TMEM135: variants seen among roughly 807,000 people sequenced by gnomAD.
The protein encoded by TMEM135 is peroxisomal membrane protein 52.
A neutral mutation model predicts 60.3 loss-of-function variants in TMEM135; 30 were observed. The ratio of observed to expected loss-of-function variants is 0.50; its 90% CI spans 0.37 to 0.68. The LOEUF is 0.68. TMEM135 is among the 30% of genes least tolerant of loss of function. The pLI is 0.00. For synonymous variants in TMEM135, 190 were observed against 186.7 expected, an observed-to-expected ratio of 1.02 and a Z score of -0.14; for missense variants, 468 against 548.8, an observed-to-expected ratio of 0.85 and a Z score of 1.47.
intron 4 of TMEM135, among the ~76,000 whole-genome samples, chr11:87,098,155 T>G (rs541695054): frequency 4.6e-4 from 70 of 152,082 alleles, no homozygotes; most frequent in Non-Finnish European, 6.6e-4. Flanking sequence ...TTTTTTTTTT[T>G]TGTGAAAAAT....
chr11:87,103,735 T>G (rs920345088), intron 4 of TMEM135, among the ~76,000 whole-genome samples: 12 of 152,054 alleles, frequency 7.9e-5, no homozygotes, highest in African/African-American at 2.9e-4. Flanking sequence ...CTTGGCTCAC[T>G]GCAACCTTCA....
At chr11:87,185,382 A>T (rs1939625453) in intron 5 of TMEM135, among the ~76,000 whole-genome samples, 1 of 152,162 alleles carries the variant, frequency 6.6e-6, no homozygotes, top group Admixed American at 6.5e-5. Flanking sequence ...AAATTTATTG[A>T]AGAAACCAGA....
At chr11:87,141,257 G>C (rs141655593) in intron 4 of TMEM135, among the ~76,000 whole-genome samples, 1 of 151,836 alleles carries the variant, frequency 6.6e-6, no homozygotes, top group African/African-American at 2.4e-5. Flanking sequence ...TTAATTTCTT[G>C]CAGCATTATT....
chr11:87,099,682 G>GTT (rs57019125), intron 4 of TMEM135, among the ~76,000 whole-genome samples: 30 of 109,380 alleles, frequency 2.7e-4, no homozygotes, highest in African/African-American at 7.9e-4. Context: ...TTTCATGGTG[G>GTT]TTTTTTTTTT....
chr11:87,059,577 A>G (rs939149078), intron 1 of TMEM135, among the ~76,000 whole-genome samples: 2 of 152,022 alleles, frequency 1.3e-5, no homozygotes, highest in African/African-American at 4.8e-5. Context: ...CAGCCTCCCA[A>G]AGTTCTGGGA....
chr11:87,254,324 AC>A (rs1396556101), intron 6 of TMEM135, among the ~76,000 whole-genome samples: 5 of 152,180 alleles, frequency 3.3e-5, no homozygotes, highest in African/African-American at 1.2e-4. Context: ...TAATTAAAAA[AC>A]ATACATGTGT....
intron 4 of TMEM135, among the ~76,000 whole-genome samples, chr11:87,107,269 GT>G (rs886988608): frequency 7.2e-5 from 11 of 151,924 alleles, no homozygotes; most frequent in East Asian, 1.9e-4. Flanking sequence ...ATTATTCATA[GT>G]TTTTTTTATT....
intron 6 of TMEM135, among the ~76,000 whole-genome samples, chr11:87,276,729 C>T (rs1351733336): frequency 1.5e-5 from 2 of 133,794 alleles, no homozygotes; most frequent in East Asian, 2.1e-4. Flanking sequence ...ATCGCGGTAG[C>T]GTGATCTCGA....
At chr11:87,071,788 T>G (rs977851513) in intron 3 of TMEM135, among the ~76,000 whole-genome samples, 173 bp downstream of exon 3, 5 of 152,048 alleles carry the variant, frequency 3.3e-5, no homozygotes, top group Non-Finnish European at 5.9e-5. Flanking sequence ...TATATGTATT[T>G]TATATTTATT....
At chr11:87,235,706 A>G (rs1232844024) in intron 5 of TMEM135, among the ~76,000 whole-genome samples, 1 of 152,000 alleles carries the variant, frequency 6.6e-6, no homozygotes, top group African/African-American at 2.4e-5. Flanking sequence ...TAACATAAGA[A>G]TGCATTCTAC....
intron 4 of TMEM135, among the ~76,000 whole-genome samples, chr11:87,127,808 G>A (rs1188389587): frequency 6.6e-6 from 1 of 151,904 alleles, no homozygotes; most frequent in Non-Finnish European, 1.5e-5. Context: ...ATTTTTTTCA[G>A]TTGCTTATCT....
At position 87,306,012 on chromosome 11, in the gene TMEM135, A is replaced by ACATACTTTCATATACTTAC; in HGVS notation, c.768+7_768+8insCATACTTTCATATACTTAC. ...CATCTCTTATTGCATTAAAGTAAGT[A>ACATACTTTCATATACTTAC]TATGAAAGTATGTACTTTATTAACA... On this transcript the variant is annotated splice_region_variant and intron_variant, in intron 9 of 14. Coordinates refer to ENST00000305494, the MANE Select transcript of TMEM135 (RefSeq NM_022918.4). 1 of 1,557,318 alleles carries ACATACTTTCATATACTTAC rather than the reference A, an allele frequency of 6.4e-7. No homozygotes were observed. The highest frequency in any genetic ancestry group is 8.8e-7 in the Non-Finnish European group (1 of 1,136,330).
chr11:87,316,141 G>A (rs766406980), intron 12 of TMEM135, among the ~76,000 whole-genome samples: 8 of 152,000 alleles, frequency 5.3e-5, no homozygotes, highest in Non-Finnish European at 1.0e-4. Context: ...AGTGAATGGA[G>A]CTAGAGAATC....
intron 10 of TMEM135, among the ~76,000 whole-genome samples, chr11:87,311,079 TATATATTCTGTGG>T (rs1942633704): frequency 6.9e-6 from 1 of 144,026 alleles, no homozygotes; most frequent in South Asian, 2.3e-4. Flanking sequence ...GAAAGAAGAA[TATATATTCTGTGG>T]GTATATATAT....
intron 5 of TMEM135, among the ~76,000 whole-genome samples, chr11:87,174,877 T>G (rs1475170986): frequency 1.3e-5 from 2 of 152,158 alleles, no homozygotes; most frequent in African/African-American, 4.8e-5. Context: ...TGTTCAGATT[T>G]ACTGTATATA....
At chr11:87,295,282 A>G (rs1224097654) in intron 6 of TMEM135, among the ~76,000 whole-genome samples, 3 of 152,234 alleles carry the variant, frequency 2.0e-5, no homozygotes, top group Non-Finnish European at 4.4e-5. Flanking sequence ...GGGCTTAATC[A>G]GAAATTAAAA....
At chr11:87,199,566 A>G (rs1940047419) in intron 5 of TMEM135, among the ~76,000 whole-genome samples, 1 of 152,232 alleles carries the variant, frequency 6.6e-6, no homozygotes, top group African/African-American at 2.4e-5. Context: ...GTAGATACAT[A>G]TAGATTTCTA....
At chr11:87,175,073 A>G (rs555207617) in intron 5 of TMEM135, among the ~76,000 whole-genome samples, 1 of 152,294 alleles carries the variant, frequency 6.6e-6, no homozygotes, top group Non-Finnish European at 1.5e-5. Context: ...TGTATCTTTT[A>G]ATAGCCATAA....
chr11:87,219,045 T>C (rs1234026482), intron 5 of TMEM135, among the ~76,000 whole-genome samples: 4 of 152,216 alleles, frequency 2.6e-5, no homozygotes, highest in Non-Finnish European at 2.9e-5. Flanking sequence ...AATATGATTC[T>C]TGTCTAATAT....
Sources: gnomAD v4.1 joint callset for allele counts (sites outside exome capture counted in the v4.1 genomes callset) on GRCh38, gnomAD v4.1.1 for gene constraint, MANE v1.5 for transcripts, NCBI Gene and HGNC (gene_info 2026-07-23, HGNC 2026-07-21) for gene names.